PACRG: variants seen among roughly 807,000 people sequenced by gnomAD.
PACRG encodes the protein parkin coregulated gene protein.
In PACRG, 29 loss-of-function variants were observed where a neutral mutation model predicts 29.7. That is an observed-to-expected ratio of 0.98 (90% CI 0.73 to 1.33). The LOEUF is 1.33. PACRG is among the 40% of genes most tolerant of loss of function. The pLI, the probability that PACRG is intolerant of heterozygous loss-of-function variation, is 0.00. For synonymous variants in PACRG, 116 were observed against 118.7 expected (o/e 0.98, Z 0.15); for missense variants, 279 against 316.2 (o/e 0.88, Z 0.89).
At chr6:163,237,760 T>C (rs74703991) in intron 4 of PACRG, among the ~76,000 whole-genome samples, 1,585 of 152,304 alleles carry the variant, frequency 0.01, 28 homozygotes, top group African/African-American at 0.037. Flanking sequence ...ACTCTTTCTT[T>C]ATAGAAGTTC....
chr6:162,747,384 A>AAC (rs1781120940), intron 1 of PACRG, among the ~76,000 whole-genome samples: 1 of 64,360 alleles, frequency 1.6e-5, no homozygotes, highest in Non-Finnish European at 2.7e-5. Context: ...ATATATGTAT[A>AAC]TATATGTATA....
At chr6:163,270,522 T>A (rs1158990839) in intron 4 of PACRG, among the ~76,000 whole-genome samples, 1 of 144,366 alleles carries the variant, frequency 6.9e-6, no homozygotes, top group Non-Finnish European at 1.5e-5. Context: ...AGGTGTATGC[T>A]ACCATGCCTG....
Position 162,947,988 on chromosome 6 carries a change from T to A in PACRG, c.292-114162T>A, listed in dbSNP as rs373584332. On this transcript the variant is annotated intron_variant, in intron 2 of 4. Coordinates refer to ENST00000366888, the MANE Select transcript of PACRG (RefSeq NM_001080379.2). ...CTTATTACCCAAAGCAATCTACAAA[T>A]TGAATGAAATCCCTATCAAAATACC... 1.3e-3 allele frequency among the ~76,000 whole-genome samples: 202 copies of A among 151,980 alleles called. 1 individual carries two copies. Among genetic ancestry groups the A allele is most frequent in the African/African-American group, 4.8e-3 (201 of 41,484 alleles).
At chr6:162,865,488 C>T (rs922638116) in intron 2 of PACRG, among the ~76,000 whole-genome samples, 20 of 152,102 alleles carry the variant, frequency 1.3e-4, no homozygotes, top group African/African-American at 4.1e-4. Flanking sequence ...TATTAAGTTT[C>T]GACTACATGG....
intron 2 of PACRG, among the ~76,000 whole-genome samples, chr6:162,826,383 G>A (rs1467092947): frequency 6.6e-6 from 1 of 151,538 alleles, no homozygotes; most frequent in East Asian, 1.9e-4. Context: ...GTGTATGTGT[G>A]TATTTACATG....
intron 4 of PACRG, among the ~76,000 whole-genome samples, chr6:163,250,133 A>AT (rs1782846550): frequency 6.6e-6 from 1 of 152,238 alleles, no homozygotes; most frequent in Admixed American, 6.5e-5. Flanking sequence ...CAGTTGCACC[A>AT]TTTTTGTAAA....
intron 2 of PACRG, among the ~76,000 whole-genome samples, chr6:162,872,512 C>T (rs945664194): frequency 1.3e-5 from 2 of 152,038 alleles, no homozygotes; most frequent in Non-Finnish European, 2.9e-5. Flanking sequence ...TTGCTCATTT[C>T]CAGATTTTTC....
At chr6:163,299,466 C>T (rs1027942259) in intron 4 of PACRG, among the ~76,000 whole-genome samples, 4 of 152,154 alleles carry the variant, frequency 2.6e-5, no homozygotes, top group Non-Finnish European at 5.9e-5. Context: ...GAGTGGAGGA[C>T]GGAGTTGGCG....
At chr6:163,221,104 A>C (rs1047196916) in intron 4 of PACRG, among the ~76,000 whole-genome samples, 1 of 152,258 alleles carries the variant, frequency 6.6e-6, no homozygotes, top group Admixed American at 6.5e-5. Flanking sequence ...GACAAAATAC[A>C]TAAGAAAATA....
chr6:162,742,825 G>T (rs1436293611), intron 1 of PACRG, among the ~76,000 whole-genome samples: 2 of 151,986 alleles, frequency 1.3e-5, no homozygotes, highest in Non-Finnish European at 2.9e-5. Flanking sequence ...TTTGAATACT[G>T]ATTCAAAGAG....
intron 2 of PACRG, among the ~76,000 whole-genome samples, chr6:162,818,277 T>C (rs569963995): frequency 6.6e-6 from 1 of 152,350 alleles, no homozygotes; most frequent in African/African-American, 2.4e-5. Context: ...GATAATCAGA[T>C]GAACGATGGA....
At chr6:162,946,323 C>T (rs1324480333) in intron 2 of PACRG, among the ~76,000 whole-genome samples, 1 of 151,796 alleles carries the variant, frequency 6.6e-6, no homozygotes, top group African/African-American at 2.4e-5. Context: ...CAACTGATAA[C>T]CACCAAAATG....
chr6:163,311,383 A>T (rs1389460461), intron 4 of PACRG, among the ~76,000 whole-genome samples: 1 of 152,260 alleles, frequency 6.6e-6, no homozygotes, highest in Non-Finnish European at 1.5e-5. Flanking sequence ...TCATTTTCCT[A>T]ATCAGAATTG....
chr6:163,047,919 T>C (rs501276), intron 2 of PACRG, among the ~76,000 whole-genome samples: 45,645 of 152,130 alleles, frequency 0.3, 7,778 homozygotes, highest in East Asian at 0.68. Flanking sequence ...ATAGTGATTG[T>C]TAATTTTATT....
chr6:163,107,314 T>G (rs1815438469), intron 4 of PACRG, among the ~76,000 whole-genome samples: 1 of 152,080 alleles, frequency 6.6e-6, no homozygotes, highest in South Asian at 2.1e-4. Context: ...AAGGCAGAGA[T>G]GCATTGAAAA....
chr6:162,907,029 T>C (rs1004775406), intron 2 of PACRG, among the ~76,000 whole-genome samples: 3 of 152,214 alleles, frequency 2.0e-5, no homozygotes, highest in African/African-American at 7.2e-5. Context: ...GTTAATACTC[T>C]ATGAAATGCA....
intron 4 of PACRG, among the ~76,000 whole-genome samples, chr6:163,231,261 C>G (rs978627636): frequency 1.3e-5 from 2 of 152,238 alleles, no homozygotes; most frequent in Non-Finnish European, 2.9e-5. Context: ...ACTTCATCCA[C>G]TGTCTTTTCT....
intron 2 of PACRG, among the ~76,000 whole-genome samples, chr6:162,831,013 A>T (rs1279887489): frequency 1.3e-5 from 2 of 152,156 alleles, no homozygotes; most frequent in Non-Finnish European, 2.9e-5. Context: ...ATTTTGTCCT[A>T]TTCTGCCTGC....
intron 4 of PACRG, among the ~76,000 whole-genome samples, chr6:163,203,614 A>C (rs1780790881): frequency 1.3e-5 from 2 of 152,324 alleles, no homozygotes; most frequent in South Asian, 4.1e-4. Flanking sequence ...TCACGCTGGC[A>C]GGGCCCTGAA....
Sources: allele counts gnomAD v4.1 joint callset (sites outside exome capture counted in the v4.1 genomes callset), GRCh38; gene constraint gnomAD v4.1.1; transcripts MANE v1.5; gene names NCBI Gene and HGNC (gene_info 2026-07-23, HGNC 2026-07-21).